Variants in FBXO34 observed in about 807,000 individuals in gnomAD.
FBXO34 encodes the protein F-box only protein 34.
In FBXO34, 12 loss-of-function variants were observed where a neutral mutation model predicts 24.5. That is an observed-to-expected ratio of 0.49 (90% CI 0.31 to 0.79). The LOEUF is 0.79. FBXO34 is among the 30% of genes least tolerant of loss of function. The pLI is 0.04. For missense variants in FBXO34, 823 were observed against 857.7 expected, an observed-to-expected ratio of 0.96 and a Z score of 0.51; for synonymous variants, 320 against 311.9, an observed-to-expected ratio of 1.03 and a Z score of -0.27.
At chr14:55,414,245 C>T in the FBXO34 span, 1 of 671,998 alleles carries the variant, frequency 1.5e-6, no homozygotes, top group Non-Finnish European at 2.5e-6. Flanking sequence ...TCTTAGGTTA[C>T]TTACACAGAG....
chr14:55,368,709 A>C (rs1884741582), downstream of FBXO34: 1 of 152,226 alleles, frequency 6.6e-6, no homozygotes, highest in South Asian at 2.1e-4. Context: ...AGTGGACACC[A>C]CAAGAATGAC....
At chr14:55,424,144 A>C in the FBXO34 span, 3 of 1,589,454 alleles carry the variant, frequency 1.9e-6, no homozygotes, top group African/African-American at 2.7e-5. Flanking sequence ...GTCAGAAAAT[A>C]ATCTTAGCAC....
the FBXO34 span, among the ~76,000 whole-genome samples, chr14:55,377,571 G>A: frequency 6.6e-6 from 1 of 152,150 alleles, no homozygotes. Flanking sequence ...CCAGGAACAT[G>A]TGGGTTCTTC....
downstream of FBXO34, among the ~76,000 whole-genome samples, chr14:55,370,142 C>G (rs1884781899): frequency 6.6e-6 from 1 of 152,234 alleles, no homozygotes; most frequent in African/African-American, 2.4e-5. Context: ...TGATACCACA[C>G]TTTCCCACAA....
rs921368558 is a variant in FBXO34, at chr14:55,336,863, TGCAC to T, written c.-10-13513_-10-13510del. On this transcript the variant is annotated intron_variant, in intron 1 of 1. Coordinates refer to ENST00000313833, the MANE Select transcript of FBXO34 (RefSeq NM_017943.4). The stretch of plus-strand genomic sequence containing the variant: ...GCTATACACATATAGAATATATACA[TGCAC>T]GCACACACACACACACACACACACA... Among the ~76,000 whole-genome samples, 11 of 145,828 alleles carry T rather than the reference TGCAC, an allele frequency of 7.5e-5. 1 individual carries two copies. The highest frequency in any genetic ancestry group is 2.7e-4 in the African/African-American group (10 of 37,630).
At chr14:55,389,452 C>G in the FBXO34 span, among the ~76,000 whole-genome samples, 1 of 152,170 alleles carries the variant, frequency 6.6e-6, no homozygotes, top group Non-Finnish European at 1.5e-5. Flanking sequence ...TTTAGTAATC[C>G]CGTGAAACTC....
chr14:55,411,566 G>A, the FBXO34 span: 3 of 1,570,864 alleles, frequency 1.9e-6, no homozygotes, highest in Non-Finnish European at 2.6e-6. Context: ...AGGACACACA[G>A]CAGAAGAAAC....
At chr14:55,368,670 C>G (rs1884740621), downstream of FBXO34, 1 of 152,194 alleles carries the variant, frequency 6.6e-6, no homozygotes, top group East Asian at 1.9e-4. Context: ...CTGAAAACAC[C>G]TGCCACCTAC....
At chr14:55,272,864 A>T (rs1488131927) in intron 1 of FBXO34, among the ~76,000 whole-genome samples, 1 of 152,164 alleles carries the variant, frequency 6.6e-6, no homozygotes, top group Admixed American at 6.5e-5. Flanking sequence ...TAGGTAACTA[A>T]AATTTTGTCT....
chr14:55,320,885 A>G (rs1594749820), intron 1 of FBXO34, among the ~76,000 whole-genome samples: 1 of 152,358 alleles, frequency 6.6e-6, no homozygotes, highest in East Asian at 1.9e-4. Context: ...AAATGGGAAC[A>G]TGTCAGCTGT....
chr14:55,295,211 A>T (rs1208291661), intron 1 of FBXO34, among the ~76,000 whole-genome samples: 4 of 152,178 alleles, frequency 2.6e-5, no homozygotes, highest in Non-Finnish European at 4.4e-5. Flanking sequence ...AATGTGTTCC[A>T]TAGTGTCCAG....
At chr14:55,377,415 A>C in the FBXO34 span, among the ~76,000 whole-genome samples, 1 of 152,168 alleles carries the variant, frequency 6.6e-6, no homozygotes, top group African/African-American at 2.4e-5. Flanking sequence ...GAAAATGTGC[A>C]GGAAACAGGG....
downstream of FBXO34, among the ~76,000 whole-genome samples, chr14:55,373,587 G>C (rs921028588): frequency 1.3e-5 from 2 of 152,008 alleles, no homozygotes; most frequent in Admixed American, 6.6e-5. Context: ...AGCCTCCCAA[G>C]TAGCTGGGGT....
intron 1 of FBXO34, among the ~76,000 whole-genome samples, chr14:55,327,908 G>GTTTTTTTTTTTTTTTTGTTTT (rs1883397737): frequency 2.1e-5 from 1 of 48,698 alleles, no homozygotes; most frequent in Non-Finnish European, 3.5e-5. Flanking sequence ...GTTGTTGTTG[G>GTTTTTTTTTTTTTTTTGTTTT]TTTTTTTTTT....
At chr14:55,366,301 T>C (rs146530522), downstream of FBXO34, 35 of 152,772 alleles carry the variant, frequency 2.3e-4, no homozygotes, top group African/African-American at 8.2e-4. Flanking sequence ...ATAATTTGTA[T>C]AAAGTACTCC....
At chr14:55,378,655 C>G in the FBXO34 span, among the ~76,000 whole-genome samples, 1 of 152,038 alleles carries the variant, frequency 6.6e-6, no homozygotes, top group Non-Finnish European at 1.5e-5. Context: ...ACACACCTGC[C>G]CACTCAAACA....
intron 1 of FBXO34, among the ~76,000 whole-genome samples, chr14:55,309,386 C>T (rs762346317): frequency 4.6e-5 from 7 of 152,080 alleles, no homozygotes; most frequent in Non-Finnish European, 8.8e-5. Context: ...TGTCACCTTC[C>T]TCTAGTACTG....
chr14:55,415,913 A>G, the FBXO34 span, among the ~76,000 whole-genome samples: 4 of 152,188 alleles, frequency 2.6e-5, no homozygotes, highest in South Asian at 8.3e-4. Context: ...TATTAGTCAT[A>G]AACAGAAATG....
intron 1 of FBXO34, among the ~76,000 whole-genome samples, chr14:55,310,206 C>T (rs1187581390): frequency 1.3e-5 from 2 of 151,950 alleles, no homozygotes; most frequent in Non-Finnish European, 2.9e-5. Context: ...GTACTGTTTA[C>T]CCAAAGTACT....
Sources: allele counts gnomAD v4.1 joint callset (sites outside exome capture counted in the v4.1 genomes callset), GRCh38; gene constraint gnomAD v4.1.1; transcripts MANE v1.5; gene names NCBI Gene and HGNC (gene_info 2026-07-23, HGNC 2026-07-21).